Variants in LMO2 observed in about 807,000 individuals in gnomAD.
LMO2 encodes rhombotin-2.
In LMO2, 20 loss-of-function variants were observed where a neutral mutation model predicts 23.2. The observed-to-expected ratio is 0.86, with a 90% CI of 0.61 to 1.25. The LOEUF (loss-of-function observed/expected upper bound fraction) is 1.25. Among genes scored for constraint, LMO2 ranks in the 50% most tolerant of loss-of-function variants. The pLI is 0.00. For missense variants in LMO2, 270 were observed against 315.3 expected, an observed-to-expected ratio of 0.86 and a Z score of 1.09; for synonymous variants, 123 against 130.2, an observed-to-expected ratio of 0.94 and a Z score of 0.38.
intron 2 of LMO2, among the ~76,000 whole-genome samples, chr11:33,877,828 A>C (rs1174322518): frequency 2.0e-5 from 3 of 151,598 alleles, no homozygotes; most frequent in African/African-American, 7.3e-5. Context: ...CTTGTTAATG[A>C]TGCTCCCTAG....
intron 1 of LMO2, among the ~76,000 whole-genome samples, chr11:33,885,634 T>C (rs893151937): frequency 9.8e-5 from 15 of 152,340 alleles, no homozygotes; most frequent in African/African-American, 2.9e-4. Flanking sequence ...TGAGGTTTAT[T>C]GTGCCCAATG....
At chr11:33,877,607 G>C (rs964880269) in intron 2 of LMO2, among the ~76,000 whole-genome samples, 1 of 151,698 alleles carries the variant, frequency 6.6e-6, no homozygotes, top group Non-Finnish European at 1.5e-5. Flanking sequence ...TGGGACTATA[G>C]GTGCACACTA....
At chr11:33,890,303 G>T (rs893529443) in intron 1 of LMO2, among the ~76,000 whole-genome samples, 1 of 152,062 alleles carries the variant, frequency 6.6e-6, no homozygotes, top group Non-Finnish European at 1.5e-5. Context: ...TGCAATTTAC[G>T]CTTGTCACAA....
chr11:33,866,706 C>A (rs571777776), intron 4 of LMO2, among the ~76,000 whole-genome samples: 181 of 152,306 alleles, frequency 1.2e-3, no homozygotes, highest in Non-Finnish European at 1.6e-4. Flanking sequence ...AGTGCAATGG[C>A]ACAATCTCGG....
rs1001814767 is a variant in LMO2 at position 33,859,144 on chromosome 11, T to G, written c.*212A>C. ...ATGGGCTGTGGCCATAAGTTCTCCC[T>G]CAAGGGCTGGTCCTTCTGTCACCTT... is the stretch of plus-strand genomic sequence containing the variant. On this transcript the variant is annotated 3_prime_UTR_variant, in exon 6 of 6. Coordinates refer to ENST00000257818, the MANE Select transcript of LMO2 (RefSeq NM_005574.4). 1.8e-6 allele frequency: 1 copy of G among 541,560 alleles called. No individual in the cohort carries two copies. The highest frequency in any genetic ancestry group is 1.9e-5 in the African/African-American group (1 of 52,920). The allele number at this position is 541,560 out of a possible 1,614,324, so 33.5% of individuals were successfully genotyped here.
chr11:33,865,209 A>C, intron 4 of LMO2: 1 of 311,540 alleles, frequency 3.2e-6, no homozygotes. Flanking sequence ...TAACCTGGAC[A>C]CCCAAGGGCA....
chr11:33,859,897 A>G (rs1296737405), intron 5 of LMO2, among the ~76,000 whole-genome samples: 2 of 152,098 alleles, frequency 1.3e-5, no homozygotes, highest in African/African-American at 4.8e-5. Context: ...ATCTATCATA[A>G]GGAGTTAGGC....
chr11:33,874,706 C>T (rs1194434010), intron 2 of LMO2, among the ~76,000 whole-genome samples: 2 of 152,228 alleles, frequency 1.3e-5, no homozygotes, highest in Admixed American at 6.5e-5. Context: ...CCTAAGACCT[C>T]GGCAAGCCTC....
chr11:33,891,412 CTGGGGAGATCA>C (rs1857549286), intron 1 of LMO2, among the ~76,000 whole-genome samples: 1 of 151,344 alleles, frequency 6.6e-6, no homozygotes, highest in Non-Finnish European at 1.5e-5. Flanking sequence ...CACACAGTTG[CTGGGGAGATCA>C]TGGTAAACAC....
intron 2 of LMO2, among the ~76,000 whole-genome samples, chr11:33,879,762 A>G (rs1323804077): frequency 6.6e-6 from 1 of 152,236 alleles, no homozygotes; most frequent in African/African-American, 2.4e-5. Context: ...GATGTTCTAC[A>G]TCACTAATTA....
At chr11:33,876,810 T>C (rs943630280) in intron 2 of LMO2, among the ~76,000 whole-genome samples, 2 of 152,210 alleles carry the variant, frequency 1.3e-5, no homozygotes, top group Admixed American at 6.5e-5. Context: ...AGTACATGGT[T>C]TTAGGCAAAT....
intron 4 of LMO2, among the ~76,000 whole-genome samples, chr11:33,865,410 T>C (rs1175907929): frequency 6.6e-6 from 1 of 152,244 alleles, no homozygotes; most frequent in African/African-American, 2.4e-5. Context: ...GCTTTCTCTT[T>C]CCAAAATCAA....
Position 33,880,167 on chromosome 11 carries a change from G to GATATATATATATATATC in LMO2, c.-272+1656_-272+1657insGATATATATATATATAT, listed in dbSNP as rs1359626700. On this transcript the variant is annotated intron_variant, in intron 2 of 5. Coordinates refer to ENST00000257818, the MANE Select transcript of LMO2 (RefSeq NM_005574.4). This position sits in a 1 kb window ranked among gnomAD's most constrained non-coding sequence, Gnocchi z 4.3. ...TTTATGTGTACATATATATACATAT[G>GATATATATATATATATC]ATATATACACATGATATATATATCA... 9.2e-5 allele frequency among the ~76,000 whole-genome samples: 3 copies of GATATATATATATATATC among 32,604 alleles called. No individual in the cohort carries two copies. Among genetic ancestry groups the GATATATATATATATATC allele is most frequent in the African/African-American group, 3.7e-4 (3 of 8,190 alleles). 21.4% of individuals were successfully genotyped at this position (32,604 alleles called of 152,430 possible).
rs560370995 is a variant in LMO2, at chr11:33,880,701, C to A, written c.-272+1123G>T. ...GTATTTAACCCCCACACGCCCCAAA[C>A]AAATCTGACAAAAGTTAAAGACCAT... On this transcript the variant is annotated intron_variant, in intron 2 of 5. Coordinates refer to ENST00000257818, the MANE Select transcript of LMO2 (RefSeq NM_005574.4). This position sits in a 1 kb window ranked among gnomAD's most constrained non-coding sequence, Gnocchi z 4.3. 11 of 161,072 alleles carry A rather than the reference C, an allele frequency of 6.8e-5. No individual in the cohort carries two copies. In the East Asian group the frequency reaches 2.0e-3, roughly 29 times the overall value. The allele number at this position is 161,072 out of a possible 1,614,324, so 10.0% of individuals were successfully genotyped here.
intron 5 of LMO2, among the ~76,000 whole-genome samples, chr11:33,862,912 G>A (rs1267785511): frequency 1.3e-5 from 2 of 151,666 alleles, no homozygotes; most frequent in African/African-American, 4.8e-5. Context: ...ATGTCACCAA[G>A]ACACAAGTTA....
chr11:33,874,231 TAGTAACCTTAGTG>T (rs1857086671), intron 2 of LMO2, among the ~76,000 whole-genome samples: 1 of 152,200 alleles, frequency 6.6e-6, no homozygotes, highest in Non-Finnish European at 1.5e-5. Context: ...TAAGGCCTAT[TAGTAACCTTAGTG>T]ATAAACAGAT....
chr11:33,869,329 A>AG lies in LMO2; in HGVS notation c.248+16dup, dbSNP rs1219262086. The AG allele has an allele frequency of 5.4e-6, 6 of 1,114,320 alleles. No homozygotes were observed. The South Asian group carries it at 1.7e-4, about 32-fold the overall frequency. 69.0% of individuals were successfully genotyped at this position (1,114,320 alleles called of 1,614,324 possible). On this transcript the variant is annotated intron_variant, in intron 4 of 5. Coordinates refer to ENST00000257818, the MANE Select transcript of LMO2 (RefSeq NM_005574.4). ...CGTGGACACCGGGGGTGGCAGGGGC[A>AG]GGGGGGCCGCACTTACTCTGAAGGG... is the stretch of plus-strand genomic sequence containing the variant.
rs1856680269 is a variant in LMO2, at chr11:33,864,029, A to G, written c.464+573T>C. Among the ~76,000 whole-genome samples, 1 of 152,204 alleles carries G rather than the reference A, an allele frequency of 6.6e-6. No homozygotes were observed. The highest frequency in any genetic ancestry group is 6.5e-5 in the Admixed American group (1 of 15,282). On this transcript the variant is annotated intron_variant, in intron 5 of 5. Transcript: ENST00000257818. This position sits in a 1 kb window ranked among gnomAD's most constrained non-coding sequence, Gnocchi z 4.8. ...GGCCACCAAGCTGGGAAGCAATGGT[A>G]TTGGGACTCAAACCTCCAACTGCCT...
In LMO2 at chr11:33,869,683, AGCTGCTGCT is replaced by A. The variant is rs553052789; in HGVS notation, c.7+18_7+26del. On this transcript the variant is annotated intron_variant, in intron 3 of 5. Transcript: ENST00000257818. ...GCGCAGCCTGGCTCCAGGCGGCTGC[AGCTGCTGCT>A]GCTGCTCAGGACTTAACCTTCCATC... 2.4e-6 allele frequency: 3 copies of A among 1,271,614 alleles called. No homozygotes were observed. The highest frequency in any genetic ancestry group is 2.2e-5 in the South Asian group (1 of 44,756). 78.8% of individuals were successfully genotyped at this position (1,271,614 alleles called of 1,614,324 possible).
Sources: allele counts gnomAD v4.1 joint callset (sites outside exome capture counted in the v4.1 genomes callset), GRCh38; gene constraint gnomAD v4.1.1; non-coding constraint Gnocchi (gnomAD v3.1); transcripts MANE v1.5; gene names NCBI Gene and HGNC (gene_info 2026-07-23, HGNC 2026-07-21).